Variants in DAB1 observed in about 807,000 individuals in gnomAD.
The protein encoded by DAB1 is disabled homolog 1.
In DAB1, 15 loss-of-function variants were observed where a neutral mutation model predicts 64.6. The ratio of observed to expected loss-of-function variants is 0.23; its 90% CI spans 0.16 to 0.36. DAB1 has a LOEUF of 0.36. DAB1 is among the 10% of genes least tolerant of loss of function. DAB1 has a pLI of 1.00. For synonymous variants in DAB1, 235 were observed against 251.9 expected (o/e 0.93, Z 0.64); for missense variants, 596 against 706.7 (o/e 0.84, Z 1.78).
chr1:57,506,743 C>T (rs1406938472), intron 7 of DAB1, among the ~76,000 whole-genome samples: 1 of 152,194 alleles, frequency 6.6e-6, no homozygotes, highest in African/African-American at 2.4e-5. Context: ...ACTTACCCAT[C>T]TCTGTCCTCC....
rs3081038 is a variant in DAB1 at position 57,795,690 on chromosome 1, G to GATATATATATATATAT, written n.551+88293_551+88308dup. Among the ~76,000 whole-genome samples, 144 of 69,080 alleles carry GATATATATATATATAT rather than the reference G, an allele frequency of 2.1e-3. 8 individuals are homozygous for GATATATATATATATAT. The highest frequency in any genetic ancestry group is 2.5e-3 in the Admixed American group (12 of 4,824). The allele number at this position is 69,080 out of a possible 152,430, so 45.3% of individuals were successfully genotyped here. A position where few individuals can be genotyped will look rare whatever the true frequency, so the allele number is the denominator to read the frequency against. Reference sequence around the variant, plus strand: ...TAACCATCCATGAATTATGCTTGGAGATATATATATATATATATATATATA... The same window carrying GATATATATATATATAT: ...TAACCATCCATGAATTATGCTTGGAGATATATATATATATATATATATATATATATATATATATATA... On this transcript the variant is annotated intron_variant and non_coding_transcript_variant, in intron 6 of 20. Transcript: ENST00000485760.
chr1:57,464,125 C>G (rs1030502849), intron 7 of DAB1, among the ~76,000 whole-genome samples: 2 of 152,150 alleles, frequency 1.3e-5, no homozygotes, highest in Non-Finnish European at 2.9e-5. Context: ...ACTAAATGCT[C>G]TACATGGATT....
chr1:57,036,153 T>C (rs1647143473), intron 9 of DAB1, among the ~76,000 whole-genome samples: 1 of 152,108 alleles, frequency 6.6e-6, no homozygotes, highest in Non-Finnish European at 1.5e-5. Flanking sequence ...ACATAATATT[T>C]GGAAATAGAG....
chr1:58,356,956 G>C (rs988099787), intron 3 of DAB1, among the ~76,000 whole-genome samples: 1 of 147,100 alleles, frequency 6.8e-6, no homozygotes, highest in South Asian at 2.1e-4. Flanking sequence ...TGCCCAGGGA[G>C]TTGAGGCTGT....
At chr1:58,170,886 G>A (rs184783542) in intron 4 of DAB1, among the ~76,000 whole-genome samples, 11 of 152,132 alleles carry the variant, frequency 7.2e-5, no homozygotes, top group East Asian at 3.9e-4. Flanking sequence ...ACTGAGCCCC[G>A]GATATGTTTA....
At chr1:57,000,058 T>TG (rs1486226521) in intron 14 of DAB1, among the ~76,000 whole-genome samples, 2 of 149,514 alleles carry the variant, frequency 1.3e-5, no homozygotes, top group Non-Finnish European at 3.0e-5. Flanking sequence ...TTTTTTTTTT[T>TG]TTTGAGATGG....
In DAB1 at chr1:57,343,076, T is replaced by G. The variant is rs530763468; in HGVS notation, c.-136-51910A>C. ...CATCCTGCTGATTGGTAGAGTCCAG[T>G]GGTCTGTTTTGACAGGGCGCTGATT... On this transcript the variant is annotated intron_variant, in intron 1 of 14. Transcript: ENST00000371236. Among the ~76,000 whole-genome samples the G allele has an allele frequency of 3.9e-5, 6 of 152,096 alleles. No homozygotes were observed. The South Asian group carries it at 6.2e-4, about 16-fold the overall frequency.
chr1:57,663,570 T>A (rs1646412121), intron 6 of DAB1, among the ~76,000 whole-genome samples: 1 of 152,200 alleles, frequency 6.6e-6, no homozygotes, highest in Non-Finnish European at 1.5e-5. Context: ...CTTTGTTAAT[T>A]ACAAATTTTA....
intron 5 of DAB1, among the ~76,000 whole-genome samples, chr1:58,124,410 C>G (rs1185046947): frequency 6.6e-6 from 1 of 152,090 alleles, no homozygotes; most frequent in African/African-American, 2.4e-5. Flanking sequence ...ACATTGGCGG[C>G]TACCCTGGGC....
At chr1:57,319,522 C>T (rs1267266421) in intron 1 of DAB1, among the ~76,000 whole-genome samples, 1 of 152,110 alleles carries the variant, frequency 6.6e-6, no homozygotes, top group East Asian at 1.9e-4. Flanking sequence ...ATGTCTGTTT[C>T]TTAACACAAA....
At chr1:57,862,559 A>C (rs941226711) in intron 1 of DAB1, 1 of 152,236 alleles carries the variant, frequency 6.6e-6, no homozygotes, top group African/African-American at 2.4e-5. Context: ...AAAAAGATTT[A>C]TGTGAACTTC....
intron 7 of DAB1, among the ~76,000 whole-genome samples, chr1:57,608,836 G>C (rs934836294): frequency 5.9e-5 from 9 of 152,226 alleles, no homozygotes; most frequent in African/African-American, 2.2e-4. Flanking sequence ...TGGTGGTTAA[G>C]CTCTTCTATT....
At chr1:57,931,474 T>C (rs1644952274) in intron 5 of DAB1, among the ~76,000 whole-genome samples, 1 of 152,238 alleles carries the variant, frequency 6.6e-6, no homozygotes, top group South Asian at 2.1e-4. Flanking sequence ...AGTGAATCCA[T>C]CTAGGCCTGG....
intron 5 of DAB1, among the ~76,000 whole-genome samples, chr1:57,933,144 TA>T (rs1163808738): frequency 6.6e-6 from 1 of 152,244 alleles, no homozygotes; most frequent in East Asian, 1.9e-4. Context: ...ATAAGGTTTA[TA>T]ACTCTCAGAG....
At chr1:57,454,861 C>G (rs1686524168) in intron 7 of DAB1, among the ~76,000 whole-genome samples, 2 of 151,820 alleles carry the variant, frequency 1.3e-5, no homozygotes, top group African/African-American at 4.8e-5. Context: ...AATCAATAAA[C>G]AAAAAGAAAT....
chr1:57,094,283 C>A (rs1653960974), intron 4 of DAB1, among the ~76,000 whole-genome samples: 1 of 152,134 alleles, frequency 6.6e-6, no homozygotes, highest in Non-Finnish European at 1.5e-5. Flanking sequence ...GCAGCTTTGG[C>A]TATCTGTGTT....
At chr1:58,298,765 G>A (rs771984314) in intron 4 of DAB1, among the ~76,000 whole-genome samples, 14 of 152,230 alleles carry the variant, frequency 9.2e-5, no homozygotes, top group Non-Finnish European at 1.8e-4. Context: ...GAGGAGGCAA[G>A]ATCAATGCCT....
intron 2 of DAB1, among the ~76,000 whole-genome samples, 173 bp downstream of exon 2, chr1:57,290,791 T>C (rs1672716104): frequency 1.3e-5 from 2 of 152,142 alleles, no homozygotes; most frequent in African/African-American, 4.8e-5. Context: ...GGATTTTATC[T>C]GGAGAATAAT....
intron 1 of DAB1, among the ~76,000 whole-genome samples, chr1:57,303,232 G>T (rs1673820514): frequency 6.6e-6 from 1 of 152,190 alleles, no homozygotes; most frequent in Non-Finnish European, 1.5e-5. Flanking sequence ...TGGGAGGGCT[G>T]ACAGTGGTAG....
Sources: allele counts gnomAD v4.1 joint callset (sites outside exome capture counted in the v4.1 genomes callset), GRCh38; gene constraint gnomAD v4.1.1; transcripts MANE v1.5; gene names NCBI Gene and HGNC (gene_info 2026-07-23, HGNC 2026-07-21).